The following PACS1 variants were observed in gnomAD, a reference collection of about 807,000 sequenced individuals.
PACS1 encodes the protein PACS-1.
PACS1 carries 24 observed loss-of-function variants against 115.0 expected under a neutral mutation model. The observed-to-expected ratio is 0.21, with a 90% CI of 0.15 to 0.29. The LOEUF is 0.29. Ranked by LOEUF, PACS1 falls within the 10% of genes least tolerant of loss-of-function variation. The pLI is 1.00. For missense variants in PACS1, 838 were observed against 1,251.2 expected, an observed-to-expected ratio of 0.67 and a Z score of 4.98; for synonymous variants, 453 against 504.5, an observed-to-expected ratio of 0.90 and a Z score of 1.37.
intron 1 of PACS1, among the ~76,000 whole-genome samples, chr11:66,176,420 T>TTA (rs1175048969): frequency 2.0e-5 from 3 of 151,450 alleles, no homozygotes; most frequent in Admixed American, 6.6e-5. Flanking sequence ...TCCAGATTTT[T>TTA]TTTTTTTTTT....
intron 1 of PACS1, among the ~76,000 whole-genome samples, chr11:66,089,691 T>C (rs1451874884): frequency 6.6e-6 from 1 of 152,042 alleles, no homozygotes; most frequent in Non-Finnish European, 1.5e-5. Flanking sequence ...TATAAATGCT[T>C]TGTATCTCAG....
chr11:66,138,831 C>T (rs1413215463), intron 1 of PACS1, among the ~76,000 whole-genome samples: 7 of 151,884 alleles, frequency 4.6e-5, no homozygotes, highest in Non-Finnish European at 7.4e-5. Flanking sequence ...TACAGACATG[C>T]GCCACCACGC....
intron 1 of PACS1, among the ~76,000 whole-genome samples, chr11:66,118,967 T>C (rs1473891790): frequency 6.6e-6 from 1 of 152,100 alleles, no homozygotes; most frequent in African/African-American, 2.4e-5. Context: ...CAACATGTTA[T>C]AGTAAGTGCT....
chr11:66,203,559 A>G lies in PACS1; in HGVS notation c.445-6803A>G, dbSNP rs146329733. On this transcript the variant is annotated intron_variant, in intron 2 of 23. Transcript: ENST00000320580. ...CAGAATAGCCAAAGCCATCCTGAGC[A>G]CAAAGAACAAAATTAGAGAAATCAC... 1.1e-3 allele frequency among the ~76,000 whole-genome samples: 167 copies of G among 152,362 alleles called. 3 individuals carry two copies. The East Asian group carries it at 0.024, about 22-fold the overall frequency.
At chr11:66,136,854 T>C (rs1858856478) in intron 1 of PACS1, among the ~76,000 whole-genome samples, 1 of 152,152 alleles carries the variant, frequency 6.6e-6, no homozygotes, top group African/African-American at 2.4e-5. Flanking sequence ...ACTCAGTTTT[T>C]TCACTCCCAC....
intron 1 of PACS1, among the ~76,000 whole-genome samples, chr11:66,116,857 T>C (rs1858317875): frequency 6.7e-6 from 1 of 149,260 alleles, no homozygotes; most frequent in Non-Finnish European, 1.5e-5. Context: ...GCAACTGCAC[T>C]CCAGCCTGGG....
chr11:66,070,759 G>A lies in PACS1; in HGVS notation c.273G>A (p.Gly91=). ...ASGSAPPGGP[G]PGRTPAPVQM... ...GCTCCGCGCCTCCCGGTGGCCCGGG[G>A]CCAGGCCGCACCCCCGCCCCGGTGC... The change falls in exon 1 of 24, where the codon GGG becomes GGA. Residue 91 remains glycine (G), a synonymous_variant. Coordinates refer to ENST00000320580, the MANE Select transcript of PACS1 (RefSeq NM_018026.4). This position sits in a 1 kb window ranked among gnomAD's most constrained non-coding sequence, Gnocchi z 5.9. 2 of 1,548,434 alleles carry A rather than the reference G, an allele frequency of 1.3e-6. No homozygotes were observed. Among genetic ancestry groups the A allele is most frequent in the East Asian group, 2.5e-5 (1 of 39,324 alleles).
intron 2 of PACS1, among the ~76,000 whole-genome samples, chr11:66,202,742 A>AATATATATATAT (rs56203680): frequency 8.1e-4 from 58 of 71,572 alleles, no homozygotes; most frequent in African/African-American, 1.2e-3. Flanking sequence ...AAAAAAAAAA[A>AATATATATATAT]ATATATATAT....
chr11:66,155,258 A>G (rs1363702404), intron 1 of PACS1, among the ~76,000 whole-genome samples: 1 of 152,196 alleles, frequency 6.6e-6, no homozygotes, highest in African/African-American at 2.4e-5. Flanking sequence ...AGCACATACC[A>G]TAAAATAAAT....
intron 1 of PACS1, among the ~76,000 whole-genome samples, chr11:66,131,940 T>C (rs921599512): frequency 2.0e-5 from 3 of 151,940 alleles, no homozygotes; most frequent in Non-Finnish European, 1.5e-5. Context: ...CTAAAACTTA[T>C]TTTATCCCTT....
At chr11:66,242,859 G>A (rs1855843825) in intron 22 of PACS1, 53 bp from the exon 23 acceptor site, 2 of 1,610,282 alleles carry the variant, frequency 1.2e-6, no homozygotes, top group Non-Finnish European at 1.7e-6. Flanking sequence ...GGGAGGAGAG[G>A]GGTGGCGGCT....
chr11:66,242,906 T>A lies in PACS1; in HGVS notation c.2657-6T>A. 1 of 1,613,818 alleles carries A rather than the reference T, an allele frequency of 6.2e-7. No homozygotes were observed. Among genetic ancestry groups the A allele is most frequent in the Non-Finnish European group, 8.5e-7 (1 of 1,179,896 alleles). On this transcript the variant is annotated splice_region_variant and splice_polypyrimidine_tract_variant and intron_variant, in intron 22 of 23. Transcript: ENST00000320580. The stretch of plus-strand genomic sequence containing the variant: ...TGGGACACAGGTGGCCTTGCTTGCT[T>A]TCCAGTTCCCACCATCTTCCTGAGC...
intron 1 of PACS1, among the ~76,000 whole-genome samples, chr11:66,159,491 A>G (rs1859439720): frequency 1.3e-5 from 2 of 151,814 alleles, no homozygotes; most frequent in African/African-American, 4.8e-5. Flanking sequence ...CAAGGTGGGG[A>G]GACATTACCA....
chr11:66,135,571 C>G (rs1399447840), intron 1 of PACS1, among the ~76,000 whole-genome samples: 1 of 151,996 alleles, frequency 6.6e-6, no homozygotes, highest in African/African-American at 2.4e-5. Context: ...CATGCCAGCA[C>G]TGTCACCCAG....
chr11:66,233,863 C>G lies in PACS1; in HGVS notation c.1917C>G (p.Leu639=). The change falls in exon 16 of 24, where the codon CTC becomes CTG. Residue 639 remains leucine, a synonymous_variant. Transcript: ENST00000320580. This position sits in a 1 kb window ranked among gnomAD's most constrained non-coding sequence, Gnocchi z 4.5. ...VGGQSYLSSI[L]RFFVKSLANK... is the part of the protein sequence containing the mutation. ...GCCAGAGCTACCTGAGCTCCATCCT[C>G]AGGTTCTTTGTCAAGTCCCTGGCCA... 6.2e-7 allele frequency: 1 copy of G among 1,609,390 alleles called. No homozygotes were observed. Among genetic ancestry groups the G allele is most frequent in the South Asian group, 1.1e-5 (1 of 90,482 alleles).
At chr11:66,168,479 C>A (rs1181631975) in intron 1 of PACS1, among the ~76,000 whole-genome samples, 1 of 150,296 alleles carries the variant, frequency 6.7e-6, no homozygotes, top group Non-Finnish European at 1.5e-5. Flanking sequence ...GCTTCGGAAC[C>A]AGGCTGCCTG....
chr11:66,216,863 TTCTTAAAA>T, intron 7 of PACS1, 88 bp downstream of exon 7: 1 of 838,972 alleles, frequency 1.2e-6, no homozygotes. Flanking sequence ...TAGTGGAGAC[TTCTTAAAA>T]TCAACACAGG....
chr11:66,233,155 C>T lies in PACS1; in HGVS notation c.1838+89C>T. On this transcript the variant is annotated intron_variant, in intron 15 of 23. Transcript: ENST00000320580. This position sits in a 1 kb window ranked among gnomAD's most constrained non-coding sequence, Gnocchi z 4.5. ...TGACTTCTAAGCAATGATAGACCCT[C>T]CTGGCCTCATCAGACCAAGAATTTG... The T allele has an allele frequency of 1.0e-6, 1 of 999,832 alleles. No homozygotes were observed. Among genetic ancestry groups the T allele is most frequent in the South Asian group, 1.4e-5 (1 of 70,836 alleles). The allele number at this position is 999,832 out of a possible 1,614,324, so 61.9% of individuals were successfully genotyped here.
intron 2 of PACS1, among the ~76,000 whole-genome samples, chr11:66,196,845 A>C (rs544920548): frequency 6.6e-6 from 1 of 152,192 alleles, no homozygotes; most frequent in South Asian, 2.1e-4. Flanking sequence ...TAATCTGCCC[A>C]CCTTGGCCTC....
Sources: gnomAD v4.1 joint callset for allele counts (sites outside exome capture counted in the v4.1 genomes callset) on GRCh38, gnomAD v4.1.1 for gene constraint, Gnocchi (gnomAD v3.1) non-coding constraint, MANE v1.5 for transcripts, NCBI Gene and HGNC (gene_info 2026-07-23, HGNC 2026-07-21) for gene names.